PTPRK: variants seen among roughly 807,000 people sequenced by gnomAD.
The protein encoded by PTPRK is protein tyrosine phosphatase receptor type K, also known as receptor-type tyrosine-protein phosphatase kappa.
A neutral mutation model predicts 178.0 loss-of-function variants in PTPRK; 75 were observed. The ratio of observed to expected loss-of-function variants is 0.42; its 90% CI spans 0.35 to 0.51. The LOEUF (loss-of-function observed/expected upper bound fraction) is 0.51, where lower values mean the gene tolerates loss of function less well. PTPRK is among the 20% of genes least tolerant of loss of function. The probability of loss-of-function intolerance (pLI) is 0.02; values close to 1 mark genes in which losing one functional copy is unlikely to be tolerated. For synonymous variants in PTPRK, 637 were observed against 620.6 expected, an observed-to-expected ratio of 1.03 and a Z score of -0.39; for missense variants, 1,441 against 1,797.8, an observed-to-expected ratio of 0.80 and a Z score of 3.59.
At chr6:128,218,498 T>C (rs1222259137) in intron 6 of PTPRK, among the ~76,000 whole-genome samples, 4 of 152,222 alleles carry the variant, frequency 2.6e-5, no homozygotes, top group Non-Finnish European at 2.9e-5. Flanking sequence ...TGGGTTTTGA[T>C]ACCAGTAAAA....
intron 10 of PTPRK, among the ~76,000 whole-genome samples, chr6:128,081,831 T>G (rs1784876770): frequency 6.6e-6 from 1 of 152,046 alleles, no homozygotes; most frequent in Non-Finnish European, 1.5e-5. Context: ...GAAGGAGAAA[T>G]AAGCTCTGTA....
intron 1 of PTPRK, among the ~76,000 whole-genome samples, chr6:128,460,655 A>G (rs1014132394): frequency 6.6e-6 from 1 of 152,246 alleles, no homozygotes; most frequent in Admixed American, 6.5e-5. Context: ...GACACAAGTC[A>G]AGTGTCTAGA....
At chr6:128,169,783 ATGTGTGTGT>A (rs1481994404) in intron 7 of PTPRK, among the ~76,000 whole-genome samples, 3,180 of 145,534 alleles carry the variant, frequency 0.022, 98 homozygotes, top group African/African-American at 0.047. Context: ...TATTTTTTTA[ATGTGTGTGT>A]GTGTGTGTGT....
Position 128,219,021 on chromosome 6 carries a change from A to G in PTPRK, c.769T>C (p.Leu257=), listed in dbSNP as rs1190055567. The part of the protein sequence containing the change: ...NHRRFAASFR[L]QEVTKTDQDL... ...TGGTCAGTTTTTGTCACTTCTTGCA[A>G]TCTGAAGGAAGCGGCAAACCTTCTA... Residue 257 remains leucine (L), a synonymous_variant, in exon 6 of 30, where the codon TTG becomes CTG. Coordinates refer to ENST00000368226, the MANE Select transcript of PTPRK (RefSeq NM_002844.4). The G allele has an allele frequency of 6.2e-6, 10 of 1,613,920 alleles. No homozygotes were observed. In the East Asian group the frequency reaches 2.2e-4, roughly 36 times the overall value.
chr6:128,490,546 A>G (rs1478329945), intron 1 of PTPRK, among the ~76,000 whole-genome samples: 1 of 152,230 alleles, frequency 6.6e-6, no homozygotes, highest in East Asian at 1.9e-4. Context: ...CTTCATGAGA[A>G]GCAGTACAGC....
chr6:128,353,626 T>C (rs959627942), intron 2 of PTPRK, among the ~76,000 whole-genome samples: 1 of 152,192 alleles, frequency 6.6e-6, no homozygotes, highest in Non-Finnish European at 1.5e-5. Context: ...ACCATATACA[T>C]ACATACATAC....
intron 1 of PTPRK, among the ~76,000 whole-genome samples, chr6:128,426,064 C>T (rs1844101965): frequency 6.6e-6 from 1 of 152,124 alleles, no homozygotes; most frequent in South Asian, 2.1e-4. Context: ...ACCATAGAAA[C>T]CTCTGTGTGC....
intron 6 of PTPRK, among the ~76,000 whole-genome samples, chr6:128,208,366 G>A (rs771177514): frequency 3.3e-5 from 5 of 151,356 alleles, no homozygotes; most frequent in African/African-American, 4.9e-5. Flanking sequence ...AGGTCCAGGA[G>A]CATTATTATC....
At chr6:128,059,650 A>G (rs899724625) in intron 13 of PTPRK, among the ~76,000 whole-genome samples, 10 of 152,136 alleles carry the variant, frequency 6.6e-5, no homozygotes, top group East Asian at 1.9e-4. Context: ...GAATGTCATC[A>G]CTTCTCTCCC....
intron 2 of PTPRK, among the ~76,000 whole-genome samples, chr6:128,352,915 A>G (rs1833388200): frequency 6.6e-6 from 1 of 152,216 alleles, no homozygotes; most frequent in Non-Finnish European, 1.5e-5. Flanking sequence ...ATTTTTGTCA[A>G]AACACTAAAA....
intron 1 of PTPRK, among the ~76,000 whole-genome samples, chr6:128,402,466 A>G (rs1841152631): frequency 6.6e-6 from 1 of 152,024 alleles, no homozygotes; most frequent in African/African-American, 2.4e-5. Context: ...TGGGGCCAGG[A>G]TGGTCTCAAT....
At position 128,067,127 on chromosome 6, in the gene PTPRK, G is replaced by A. The variant is rs1049420872; in HGVS notation, c.2157+392C>T. 7.2e-5 allele frequency among the ~76,000 whole-genome samples: 11 copies of A among 152,308 alleles called. No individual in the cohort carries two copies. In the East Asian group the frequency reaches 2.1e-3, roughly 29 times the overall value. On this transcript the variant is annotated intron_variant, in intron 12 of 29. Coordinates refer to ENST00000368226, the MANE Select transcript of PTPRK (RefSeq NM_002844.4). ...TAGCCTGCTGTGGAACACGCATTCT[G>A]TTTATCCTGCAGTAAATTTAATCTC...
At chr6:128,330,809 C>T (rs1004917499) in intron 2 of PTPRK, among the ~76,000 whole-genome samples, 1 of 152,022 alleles carries the variant, frequency 6.6e-6, no homozygotes, top group East Asian at 1.9e-4. Flanking sequence ...ACCTCTCTTC[C>T]CTTACACAAG....
chr6:128,110,922 T>C (rs1012242798), intron 7 of PTPRK, among the ~76,000 whole-genome samples: 1 of 152,150 alleles, frequency 6.6e-6, no homozygotes, highest in Non-Finnish European at 1.5e-5. Flanking sequence ...TTTCAGGTGG[T>C]GTGCCCAAAT....
At chr6:128,512,414 T>C (rs1330090133) in intron 1 of PTPRK, among the ~76,000 whole-genome samples, 1 of 152,240 alleles carries the variant, frequency 6.6e-6, no homozygotes, top group Admixed American at 6.5e-5. Context: ...CTTCTTGTTT[T>C]TTATTAGTCT....
intron 13 of PTPRK, among the ~76,000 whole-genome samples, chr6:128,027,723 T>C (rs925926128): frequency 2.0e-5 from 3 of 152,052 alleles, no homozygotes; most frequent in African/African-American, 7.2e-5. Context: ...GCCACCCGAG[T>C]AGCTGGGACT....
At chr6:128,125,602 CTTTTT>C (rs869038931) in intron 7 of PTPRK, among the ~76,000 whole-genome samples, 3 of 68,380 alleles carry the variant, frequency 4.4e-5, no homozygotes, top group East Asian at 4.0e-4. Context: ...TTGGGCTTTT[CTTTTT>C]TTTTTTTTTT....
Position 128,067,827 on chromosome 6 carries a change from A to G in PTPRK, c.1884-35T>C, listed in dbSNP as rs766235199. 6 of 1,505,628 alleles carry G rather than the reference A, an allele frequency of 4.0e-6. No individual in the cohort carries two copies. In the East Asian group the frequency reaches 9.2e-5, roughly 23 times the overall value. The allele number at this position is 1,505,628 out of a possible 1,614,324, so 93.3% of individuals were successfully genotyped here. A position where few individuals can be genotyped will look rare whatever the true frequency, so the allele number is the denominator to read the frequency against. ...AAAGAAAAAAAGAACACACATATAT[A>G]TACACACATATTTAGAGATTTAAGA... On this transcript the variant is annotated intron_variant, in intron 11 of 29. Coordinates refer to ENST00000368226, the MANE Select transcript of PTPRK (RefSeq NM_002844.4).
At chr6:128,191,843 T>C (rs1298681689) in intron 6 of PTPRK, among the ~76,000 whole-genome samples, 1 of 152,160 alleles carries the variant, frequency 6.6e-6, no homozygotes, top group Non-Finnish European at 1.5e-5. Context: ...TACCTAAAAC[T>C]ATATCACTTA....
Sources: gnomAD v4.1 joint callset for allele counts (sites outside exome capture counted in the v4.1 genomes callset) on GRCh38, gnomAD v4.1.1 for gene constraint, MANE v1.5 for transcripts, NCBI Gene and HGNC (gene_info 2026-07-23, HGNC 2026-07-21) for gene names.